The following DOCK8 variants were observed in gnomAD, a reference collection of about 807,000 sequenced individuals.
DOCK8 encodes the protein dedicator of cytokinesis 8, also known as dedicator of cytokinesis protein 8.
Under a neutral mutation model 245.6 loss-of-function variants are expected in DOCK8, and 141 were observed. The observed-to-expected ratio is 0.57, with a 90% CI of 0.50 to 0.66. DOCK8 has a LOEUF of 0.66. Ranked by LOEUF, DOCK8 falls within the 30% of genes least tolerant of loss-of-function variation. The pLI, the probability that DOCK8 is intolerant of heterozygous loss-of-function variation, is 0.00. For missense variants in DOCK8, 2,965 were observed against 2,603.4 expected, an observed-to-expected ratio of 1.14 and a Z score of -3.02; for synonymous variants, 1,168 against 970.2, an observed-to-expected ratio of 1.20 and a Z score of -3.79.
intron 14 of DOCK8, among the ~76,000 whole-genome samples, chr9:351,447 G>C (rs1306642734): frequency 1.3e-5 from 2 of 152,228 alleles, no homozygotes; most frequent in Non-Finnish European, 2.9e-5. Context: ...ATAGTCTGCA[G>C]ATTCTTTCAG....
At chr9:215,460 G>T (rs1587595181) in intron 1 of DOCK8, 2 of 1,487,694 alleles carry the variant, frequency 1.3e-6, no homozygotes, top group East Asian at 2.6e-5. Flanking sequence ...GCTGAAATTA[G>T]AGTTGCGTTT....
chr9:400,235 TCAC>T (rs1332850232), intron 26 of DOCK8, among the ~76,000 whole-genome samples: 178 of 16,582 alleles, frequency 0.011, 10 homozygotes, highest in African/African-American at 0.05. Flanking sequence ...ACCTCCACCA[TCAC>T]CACCACCTCC....
chr9:389,275 A>C (rs919970329), intron 23 of DOCK8, among the ~76,000 whole-genome samples: 1 of 152,204 alleles, frequency 6.6e-6, no homozygotes, highest in East Asian at 1.9e-4. Context: ...ACACATAGCC[A>C]GATATGCTGT....
intron 8 of DOCK8, among the ~76,000 whole-genome samples, chr9:327,801 A>G (rs1473598209): frequency 1.3e-5 from 2 of 152,228 alleles, no homozygotes; most frequent in South Asian, 4.1e-4. Context: ...AAACATTTAA[A>G]TGTTTCAAGG....
intron 4 of DOCK8, among the ~76,000 whole-genome samples, chr9:297,984 T>C (rs1283426435): frequency 2.6e-5 from 4 of 152,210 alleles, no homozygotes; most frequent in African/African-American, 9.6e-5. Context: ...TGTCATTGAC[T>C]GTGGGGTCCA....
chr9:429,693 C>A lies in DOCK8; in HGVS notation c.4474-9C>A, dbSNP rs778752111. On this transcript the variant is annotated splice_polypyrimidine_tract_variant and intron_variant, in intron 35 of 47. Coordinates refer to ENST00000432829, the MANE Select transcript of DOCK8 (RefSeq NM_203447.4). ...AGTGATGCCTAATGGCCCTTTATGT[C>A]TCTCCTAGTTTGGAGACTTACTCTT... The A allele has an allele frequency of 1.2e-6, 2 of 1,614,196 alleles. No homozygotes were observed. Among genetic ancestry groups the A allele is most frequent in the Admixed American group, 1.7e-5 (1 of 60,030 alleles).
chr9:212,120 T>TG (rs923838795), upstream of DOCK8, among the ~76,000 whole-genome samples: 19 of 152,178 alleles, frequency 1.2e-4, no homozygotes, highest in African/African-American at 4.1e-4. Flanking sequence ...GAGGTATGTG[T>TG]GGGGGGGTTA....
At chr9:254,842 G>C (rs62531311) in intron 1 of DOCK8, among the ~76,000 whole-genome samples, 12,556 of 152,228 alleles carry the variant, frequency 0.082, 550 homozygotes, top group South Asian at 0.12. Context: ...AGTGTCCTTA[G>C]GTGGACTACA....
chr9:294,461 T>C (rs564805407), intron 4 of DOCK8, among the ~76,000 whole-genome samples: 10 of 152,234 alleles, frequency 6.6e-5, no homozygotes, highest in African/African-American at 2.4e-4. Context: ...AAAATTTCAG[T>C]TCCTCCAGTC....
At chr9:414,681 C>T in intron 28 of DOCK8, 101 bp from the exon 29 acceptor site, 1 of 1,431,532 alleles carries the variant, frequency 7.0e-7, no homozygotes, top group Non-Finnish European at 9.8e-7. Context: ...TTCACAGTCA[C>T]CTCATTGCTT....
At chr9:460,922 G>A (rs568210017) in intron 46 of DOCK8, among the ~76,000 whole-genome samples, 6 of 152,292 alleles carry the variant, frequency 3.9e-5, no homozygotes, top group African/African-American at 1.2e-4. Flanking sequence ...GATCACCCAC[G>A]TCTTATTCAT....
intron 7 of DOCK8, among the ~76,000 whole-genome samples, chr9:324,805 A>G (rs895014356): frequency 1.3e-5 from 2 of 152,234 alleles, no homozygotes; most frequent in African/African-American, 4.8e-5. Flanking sequence ...TTAGAATTGA[A>G]TAATACAGAT....
At chr9:388,533 C>T (rs751995923) in intron 23 of DOCK8, among the ~76,000 whole-genome samples, 58 of 151,638 alleles carry the variant, frequency 3.8e-4, no homozygotes, top group Non-Finnish European at 7.7e-4. Flanking sequence ...GGGTTGCATG[C>T]GTACTGGACT....
intron 26 of DOCK8, among the ~76,000 whole-genome samples, chr9:400,644 T>TCAC (rs1246830676): frequency 2.1e-4 from 3 of 14,290 alleles, no homozygotes; most frequent in East Asian, 2.1e-3. Context: ...ACCTCCACCA[T>TCAC]CACCACCACC....
chr9:274,986 G>A (rs369982544), intron 2 of DOCK8, among the ~76,000 whole-genome samples: 6 of 152,108 alleles, frequency 3.9e-5, no homozygotes, highest in Admixed American at 3.3e-4. Context: ...TCATTTACAC[G>A]TCTTTGTTGT....
chr9:382,465 A>G, intron 21 of DOCK8, 48 bp from the exon 22 acceptor site: 2 of 1,611,254 alleles, frequency 1.2e-6, no homozygotes, highest in Non-Finnish European at 1.7e-6. Context: ...CTCAGTAAGT[A>G]ACTCTGTTCC....
intron 1 of DOCK8, among the ~76,000 whole-genome samples, chr9:242,459 A>G (rs1435404455): frequency 1.3e-5 from 2 of 152,226 alleles, no homozygotes; most frequent in Non-Finnish European, 2.9e-5. Flanking sequence ...TAAAGGAAAA[A>G]GCTAGAGACA....
chr9:355,296 C>G (rs1159201597), intron 14 of DOCK8, among the ~76,000 whole-genome samples: 2 of 149,836 alleles, frequency 1.3e-5, no homozygotes, highest in Admixed American at 6.7e-5. Flanking sequence ...CTCCGCCTTC[C>G]TGGTACAAGC....
intron 5 of DOCK8, among the ~76,000 whole-genome samples, chr9:311,070 A>C (rs1356730014): frequency 1.3e-5 from 2 of 152,052 alleles, no homozygotes; most frequent in Non-Finnish European, 2.9e-5. Flanking sequence ...CGGATCACCT[A>C]AGGTCAGGAG....
Sources: gnomAD v4.1 joint callset for allele counts (sites outside exome capture counted in the v4.1 genomes callset) on GRCh38, gnomAD v4.1.1 for gene constraint, MANE v1.5 for transcripts, NCBI Gene and HGNC (gene_info 2026-07-23, HGNC 2026-07-21) for gene names.